The following ASCC1 variants were observed in gnomAD, a reference collection of about 807,000 sequenced individuals.
ASCC1 encodes ASC-1 complex subunit P50.
A neutral mutation model predicts 46.6 loss-of-function variants in ASCC1; 35 were observed. The ratio of observed to expected loss-of-function variants is 0.75; its 90% CI spans 0.57 to 0.99. The LOEUF is 0.99. Ranked by LOEUF, ASCC1 falls within the 50% of genes least tolerant of loss-of-function variation. The pLI, the probability that ASCC1 is intolerant of heterozygous loss-of-function variation, is 0.00. For missense variants in ASCC1, 376 were observed against 428.7 expected, an observed-to-expected ratio of 0.88 and a Z score of 1.09; for synonymous variants, 143 against 146.6, an observed-to-expected ratio of 0.98 and a Z score of 0.18.
At chr10:72,126,879 A>C (rs1438730805) in intron 9 of ASCC1, among the ~76,000 whole-genome samples, 2 of 152,194 alleles carry the variant, frequency 1.3e-5, no homozygotes, top group African/African-American at 4.8e-5. Flanking sequence ...AACTACTCAA[A>C]AAGAGAAAAC....
intron 5 of ASCC1, chr10:72,190,237 A>G (rs1341729560): frequency 3.9e-6 from 3 of 769,132 alleles, no homozygotes; most frequent in East Asian, 2.4e-5. Context: ...GAAGCCTTCA[A>G]TCTGTTGCAG....
At chr10:72,125,476 C>G (rs1449304280) in intron 9 of ASCC1, among the ~76,000 whole-genome samples, 1 of 152,066 alleles carries the variant, frequency 6.6e-6, no homozygotes, top group Non-Finnish European at 1.5e-5. Context: ...CACTGGTTTT[C>G]TAAATCCTGT....
chr10:72,158,990 T>C (rs1252119327), intron 6 of ASCC1: 2 of 152,170 alleles, frequency 1.3e-5, no homozygotes, highest in Non-Finnish European at 2.9e-5. Flanking sequence ...TAAGAAGTAG[T>C]CTCTTCTCAG....
Position 72,097,370 on chromosome 10 carries a change from T to C in ASCC1, c.1038A>G (p.Gly346=). 6.2e-7 allele frequency: 1 copy of C among 1,613,934 alleles called. No homozygotes were observed. The highest frequency in any genetic ancestry group is 8.5e-7 in the Non-Finnish European group (1 of 1,179,808). ...ISQRFTVDSF[G]NYASCGQIDF... The stretch of plus-strand genomic sequence containing the variant: ...CAATTTGTCCACAGGAAGCGTAGTT[T>C]CCAAAGCTGTCTACGGTGAACCTCT... Residue 346 remains glycine, a synonymous_variant, in exon 10 of 10, where the codon GGA becomes GGG. Transcript: ENST00000672957.
At chr10:72,185,432 G>C (rs187791066) in intron 5 of ASCC1, among the ~76,000 whole-genome samples, 11 of 152,236 alleles carry the variant, frequency 7.2e-5, no homozygotes, top group African/African-American at 2.4e-4. Context: ...AGGGTTGAAT[G>C]GATAAAGTGG....
chr10:72,099,120 C>T (rs1841423312), intron 9 of ASCC1, among the ~76,000 whole-genome samples: 1 of 152,052 alleles, frequency 6.6e-6, no homozygotes, highest in Admixed American at 6.5e-5. Flanking sequence ...GATTGGCAGC[C>T]TGTGAGTGCT....
At chr10:72,125,291 C>G (rs549836316) in intron 9 of ASCC1, among the ~76,000 whole-genome samples, 1 of 152,132 alleles carries the variant, frequency 6.6e-6, no homozygotes, top group Non-Finnish European at 1.5e-5. Flanking sequence ...CATTCCTGAT[C>G]CTTGGCCTAT....
intron 9 of ASCC1, among the ~76,000 whole-genome samples, chr10:72,111,648 C>CT (rs139376424): frequency 3.2e-4 from 47 of 148,588 alleles, no homozygotes; most frequent in African/African-American, 9.8e-4. Context: ...AAGACAGCAT[C>CT]TTTTTTTTTT....
intron 5 of ASCC1, among the ~76,000 whole-genome samples, chr10:72,188,121 CTTTTTTTTTT>C (rs1169395541): frequency 8.0e-6 from 1 of 124,448 alleles, no homozygotes; most frequent in African/African-American, 3.0e-5. Flanking sequence ...AATACTTCTT[CTTTTTTTTTT>C]TTTTTTTTTT....
intron 5 of ASCC1, among the ~76,000 whole-genome samples, chr10:72,170,948 A>G (rs555951992): frequency 2.0e-5 from 3 of 152,282 alleles, no homozygotes; most frequent in Non-Finnish European, 4.4e-5. Flanking sequence ...TAGCCTGGAC[A>G]ACATAGCAAG....
intron 7 of ASCC1, among the ~76,000 whole-genome samples, chr10:72,134,696 C>T (rs7924187): frequency 0.047 from 7,188 of 152,202 alleles, 500 homozygotes; most frequent in African/African-American, 0.15. Flanking sequence ...TATACCAGGG[C>T]ATCTCACTTC....
At chr10:72,137,956 C>A (rs1846464260) in intron 7 of ASCC1, among the ~76,000 whole-genome samples, 2 of 152,100 alleles carry the variant, frequency 1.3e-5, no homozygotes, top group Admixed American at 6.5e-5. Flanking sequence ...CCTCTGCCTC[C>A]CAGGCTCAAG....
At chr10:72,183,549 T>C (rs1852971767) in intron 5 of ASCC1, among the ~76,000 whole-genome samples, 1 of 152,054 alleles carries the variant, frequency 6.6e-6, no homozygotes. Context: ...CTCGGGAGGC[T>C]GAGGCAGGAA....
In ASCC1 at chr10:72,190,074, C is replaced by T. The variant is rs1004034260; in HGVS notation, c.489+6737G>A. On this transcript the variant is annotated intron_variant, in intron 5 of 9. Coordinates refer to ENST00000672957, the MANE Select transcript of ASCC1 (RefSeq NM_001198800.3). Reference sequence around the variant, plus strand: ...CACAGTGCTCCCCACCCCACCCAGCCTGATAAAGCGCAGCAACTGGGCTGC... The same window carrying T: ...CACAGTGCTCCCCACCCCACCCAGCTTGATAAAGCGCAGCAACTGGGCTGC... 2.6e-5 allele frequency: 20 copies of T among 758,496 alleles called. No homozygotes were observed. In the East Asian group the frequency reaches 4.6e-4, roughly 18 times the overall value. 47.0% of individuals were successfully genotyped at this position (758,496 alleles called of 1,614,324 possible). A position where few individuals can be genotyped will look rare whatever the true frequency, so the allele number is the denominator to read the frequency against.
intron 3 of ASCC1, among the ~76,000 whole-genome samples, chr10:72,204,170 A>AC (rs1463512128): frequency 3.9e-5 from 6 of 152,106 alleles, no homozygotes; most frequent in Admixed American, 3.9e-4. Context: ...AATCACTTGA[A>AC]CCCGGGAGGT....
At chr10:72,189,981 AAC>A (rs1228788348) in intron 5 of ASCC1, 54 of 755,836 alleles carry the variant, frequency 7.1e-5, no homozygotes, top group Non-Finnish European at 1.1e-4. Context: ...CGGAGAAAGA[AAC>A]AGTCTGATGT....
At chr10:72,168,508 AAT>A (rs1850661202) in intron 5 of ASCC1, among the ~76,000 whole-genome samples, 1 of 152,220 alleles carries the variant, frequency 6.6e-6, no homozygotes, top group South Asian at 2.1e-4. Context: ...TGTGGAGGGA[AAT>A]TTGGCAATAT....
At chr10:72,099,411 G>A (rs568081578) in intron 9 of ASCC1, among the ~76,000 whole-genome samples, 1 of 152,358 alleles carries the variant, frequency 6.6e-6, no homozygotes, top group Admixed American at 6.5e-5. Flanking sequence ...TGGAAAGAGT[G>A]CTGGATTCTA....
intron 9 of ASCC1, among the ~76,000 whole-genome samples, chr10:72,115,529 T>A (rs558905936): frequency 2.6e-5 from 4 of 152,256 alleles, no homozygotes; most frequent in African/African-American, 4.8e-5. Context: ...GTGAATTTTT[T>A]AAAAAGTAGC....
Sources: gnomAD v4.1 joint callset for allele counts (sites outside exome capture counted in the v4.1 genomes callset) on GRCh38, gnomAD v4.1.1 for gene constraint, MANE v1.5 for transcripts, NCBI Gene and HGNC (gene_info 2026-07-23, HGNC 2026-07-21) for gene names.